The following PLCL1 variants were observed in gnomAD, a reference collection of about 807,000 sequenced individuals.
PLCL1 encodes the protein phospholipase C like 1 (inactive), also known as inactive phospholipase C-like protein 1.
Under a neutral mutation model 84.4 loss-of-function variants are expected in PLCL1, and 41 were observed. The ratio of observed to expected loss-of-function variants is 0.49; its 90% confidence interval spans 0.38 to 0.63. PLCL1 has a LOEUF of 0.63. Among genes scored for constraint, PLCL1 ranks in the 30% least tolerant of loss-of-function variants. The pLI, the probability that PLCL1 is intolerant of heterozygous loss-of-function variation, is 0.00. For synonymous variants in PLCL1, 490 were observed against 488.3 expected (o/e 1.00, Z -0.05); for missense variants, 1,206 against 1,367.8 (o/e 0.88, Z 1.87).
At chr2:197,821,965 A>G (rs1690825801) in intron 1 of PLCL1, among the ~76,000 whole-genome samples, 1 of 152,160 alleles carries the variant, frequency 6.6e-6, no homozygotes, top group South Asian at 2.1e-4. Flanking sequence ...CCTGGTTAGG[A>G]AAATTGACCA....
intron 1 of PLCL1, among the ~76,000 whole-genome samples, chr2:197,936,365 T>A: frequency 6.6e-6 from 1 of 152,208 alleles, no homozygotes; most frequent in East Asian, 1.9e-4. Flanking sequence ...CTATATTAAT[T>A]TATATTTCCA....
intron 1 of PLCL1, among the ~76,000 whole-genome samples, chr2:197,956,799 C>T (rs1422343416): frequency 1.3e-5 from 2 of 151,564 alleles, no homozygotes; most frequent in Admixed American, 6.6e-5. Context: ...TTGTTTAGTT[C>T]CTTGTAAATT....
chr2:198,008,653 C>T (rs573691731), intron 1 of PLCL1, among the ~76,000 whole-genome samples: 122 of 151,974 alleles, frequency 8.0e-4, no homozygotes, highest in Non-Finnish European at 1.1e-3. Context: ...GAGAATAATG[C>T]CACAAGGAAT....
At chr2:198,049,140 G>C (rs959803568) in intron 1 of PLCL1, among the ~76,000 whole-genome samples, 13 of 152,202 alleles carry the variant, frequency 8.5e-5, no homozygotes, top group African/African-American at 3.1e-4. Flanking sequence ...GAATCATAGG[G>C]AGACCAAGTG....
chr2:197,976,659 G>T (rs1036252711), intron 1 of PLCL1, among the ~76,000 whole-genome samples: 5 of 152,114 alleles, frequency 3.3e-5, no homozygotes, highest in African/African-American at 1.2e-4. Flanking sequence ...ATGTTGGCTG[G>T]GCTAGTCTCG....
At chr2:198,087,785 C>A (rs966772279) in intron 2 of PLCL1, among the ~76,000 whole-genome samples, 1 of 152,090 alleles carries the variant, frequency 6.6e-6, no homozygotes, top group South Asian at 2.1e-4. Flanking sequence ...CAAGACTTTT[C>A]ATGTACCTTA....
chr2:197,830,863 A>T (rs2105655260), intron 1 of PLCL1, among the ~76,000 whole-genome samples: 1 of 152,346 alleles, frequency 6.6e-6, no homozygotes, highest in Middle Eastern at 3.4e-3. Flanking sequence ...GTGAGGGCTG[A>T]TATTCAACAT....
chr2:197,806,977 TGTTTTGAA>T (rs1690499252), intron 1 of PLCL1, among the ~76,000 whole-genome samples: 1 of 152,206 alleles, frequency 6.6e-6, no homozygotes, highest in South Asian at 2.1e-4. Flanking sequence ...GTGCCTCTTT[TGTTTTGAA>T]GTTTCTTTTT....
chr2:197,882,594 A>C (rs1047970007), intron 1 of PLCL1, among the ~76,000 whole-genome samples: 7 of 152,200 alleles, frequency 4.6e-5, no homozygotes, highest in African/African-American at 2.4e-5. Flanking sequence ...TATTTTAGCC[A>C]AAGTATGCAT....
intron 1 of PLCL1, among the ~76,000 whole-genome samples, chr2:198,062,990 TC>T (rs1010630761): frequency 2.0e-5 from 3 of 152,156 alleles, no homozygotes; most frequent in Non-Finnish European, 4.4e-5. Context: ...TTTAACAAGG[TC>T]CTTGGTGATG....
At chr2:197,949,102 G>T (rs80005410) in intron 1 of PLCL1, among the ~76,000 whole-genome samples, 3,298 of 152,230 alleles carry the variant, frequency 0.022, 146 homozygotes, top group African/African-American at 0.072. Flanking sequence ...AAGCCAGCTT[G>T]GTGCTGTGTA....
intron 1 of PLCL1, among the ~76,000 whole-genome samples, chr2:197,966,147 C>T (rs1689727989): frequency 6.6e-6 from 1 of 151,846 alleles, no homozygotes; most frequent in Admixed American, 6.6e-5. Context: ...ATTCAAGTTG[C>T]AAGACAAAGT....
At chr2:197,860,609 T>C (rs185532821) in intron 1 of PLCL1, among the ~76,000 whole-genome samples, 69 of 152,334 alleles carry the variant, frequency 4.5e-4, no homozygotes, top group African/African-American at 1.6e-3. Context: ...GGTTTTGATT[T>C]GCATTTCTCT....
chr2:197,920,700 T>G (rs1207742907), intron 1 of PLCL1, among the ~76,000 whole-genome samples: 1 of 152,236 alleles, frequency 6.6e-6, no homozygotes, highest in African/African-American at 2.4e-5. Context: ...TTGTGCCCTC[T>G]GAAGAATATA....
intron 5 of PLCL1, among the ~76,000 whole-genome samples, chr2:198,124,906 G>A (rs1384630190): frequency 6.6e-6 from 1 of 152,174 alleles, no homozygotes. Flanking sequence ...CCATAGGTGT[G>A]CTATTTTAAG....
chr2:197,831,615 A>T (rs1024483476), intron 1 of PLCL1, among the ~76,000 whole-genome samples: 3 of 152,202 alleles, frequency 2.0e-5, no homozygotes, highest in Admixed American at 2.0e-4. Context: ...GATCAACGAG[A>T]CAGAAAATTA....
intron 1 of PLCL1, among the ~76,000 whole-genome samples, chr2:197,858,805 G>A (rs553856889): frequency 1.2e-4 from 18 of 152,228 alleles, no homozygotes; most frequent in African/African-American, 3.9e-4. Context: ...GCTCTGCTTG[G>A]TGGTTCTTCT....
chr2:198,061,800 C>T (rs1336001043), intron 1 of PLCL1, among the ~76,000 whole-genome samples: 7 of 152,028 alleles, frequency 4.6e-5, no homozygotes, highest in East Asian at 3.9e-4. Flanking sequence ...GGGGTTTCAC[C>T]GTGTCAGCCA....
intron 5 of PLCL1, among the ~76,000 whole-genome samples, chr2:198,138,397 C>T (rs1694307832): frequency 6.6e-6 from 1 of 152,050 alleles, no homozygotes; most frequent in African/African-American, 2.4e-5. Context: ...GGAAATCTGC[C>T]CCTTTGATCC....
Sources: gnomAD v4.1 joint callset for allele counts (sites outside exome capture counted in the v4.1 genomes callset) on GRCh38, gnomAD v4.1.1 for gene constraint, MANE v1.5 for transcripts, NCBI Gene and HGNC (gene_info 2026-07-23, HGNC 2026-07-21) for gene names.